Variants in ARMH3 observed in about 807,000 individuals in gnomAD.
The protein encoded by ARMH3 is armadillo-like helical domain-containing protein 3.
ARMH3 carries 60 observed loss-of-function variants against 99.1 expected under a neutral mutation model. The ratio of observed to expected loss-of-function variants is 0.61; its 90% CI spans 0.49 to 0.75. The LOEUF is 0.75. ARMH3 is among the 30% of genes least tolerant of loss of function. The pLI is 0.00. For missense variants in ARMH3, 679 were observed against 843.1 expected (o/e 0.81, Z 2.41); for synonymous variants, 285 against 292.8 (o/e 0.97, Z 0.27).
At chr10:102,035,576 G>A (rs1289032078) in intron 2 of ARMH3, among the ~76,000 whole-genome samples, 1 of 152,230 alleles carries the variant, frequency 6.6e-6, no homozygotes, top group Non-Finnish European at 1.5e-5. Context: ...ACTGGTTTTC[G>A]TATTTTTTTG....
At chr10:101,970,693 T>C (rs1370957218) in intron 20 of ARMH3, among the ~76,000 whole-genome samples, 2 of 151,386 alleles carry the variant, frequency 1.3e-5, no homozygotes, top group Non-Finnish European at 2.9e-5. Flanking sequence ...GGCATGGTAG[T>C]ACGCATCTGT....
intron 23 of ARMH3, among the ~76,000 whole-genome samples, chr10:101,932,831 G>A (rs1843777677): frequency 6.6e-6 from 1 of 152,164 alleles, no homozygotes; most frequent in Non-Finnish European, 1.5e-5. Flanking sequence ...CCCTGGAGAT[G>A]GATGTTGGTG....
chr10:102,029,734 T>C lies in ARMH3; in HGVS notation c.318A>G (p.Ala106=), dbSNP rs772239511. 2.5e-6 allele frequency: 4 copies of C among 1,613,130 alleles called. No homozygotes were observed. The highest frequency in any genetic ancestry group is 2.2e-5 in the South Asian group (2 of 91,076). Residue 106 remains alanine (A), a synonymous_variant, in exon 5 of 26, where the codon GCA becomes GCG. Transcript: ENST00000370033. ...TCTTTTGATGGACTCCTCGAATGAGTGCGCACAGGGTCTGCAGAAATGAGA... is the reference window on the plus strand; with the variant it reads ...TCTTTTGATGGACTCCTCGAATGAGCGCGCACAGGGTCTGCAGAAATGAGA... ...RVVNALQTLC[A]LIRGVHQKNK...
rs536217795 is a variant in ARMH3 at position 102,023,732 on chromosome 10, G to T, written c.525C>A (p.Ser175Arg). The T allele has an allele frequency of 6.2e-7, 1 of 1,614,042 alleles. No homozygotes were observed. The highest frequency in any genetic ancestry group is 1.1e-5 in the South Asian group (1 of 91,076). ...LCLVTVTDNI[S>R]QNTILEYVMI... ...TTACATACTCGAGAATAGTGTTCTG[G>T]CTGATGTTATCTGTCACCTGAATGT... is the stretch of plus-strand genomic sequence containing the variant. The change falls in exon 7 of 26, where the codon AGC (serine) becomes AGA (arginine). Residue 175 changes from serine to arginine, a missense_variant. Physicochemically the swap from Ser to Arg is moderately radical, Grantham distance 110 (BLOSUM62 -1). This residue lies in a region of ARMH3 where 280 missense variants were observed against 354.6 expected (regional missense o/e 0.79). Coordinates refer to ENST00000370033, the MANE Select transcript of ARMH3 (RefSeq NM_024541.3).
intron 23 of ARMH3, among the ~76,000 whole-genome samples, chr10:101,938,929 G>A (rs1237157171): frequency 6.6e-6 from 1 of 152,076 alleles, no homozygotes; most frequent in Non-Finnish European, 1.5e-5. Flanking sequence ...CTCCTTTTAT[G>A]CCCAGATGTG....
intron 13 of ARMH3, 100 bp from the exon 14 acceptor site, chr10:102,006,733 AT>A (rs879788123): frequency 0.058 from 49,607 of 853,622 alleles, 1 homozygote; most frequent in South Asian, 0.094. Flanking sequence ...GGACCTTATA[AT>A]TTTTTTTTTT....
chr10:101,962,905 A>G (rs1411131211), intron 20 of ARMH3, among the ~76,000 whole-genome samples: 2 of 152,088 alleles, frequency 1.3e-5, no homozygotes, highest in Non-Finnish European at 2.9e-5. Flanking sequence ...TCCACTGATT[A>G]GCCCCTCACA....
chr10:101,870,019 T>G (rs1186993820), intron 24 of ARMH3, among the ~76,000 whole-genome samples: 1 of 152,152 alleles, frequency 6.6e-6, no homozygotes. Context: ...GGTGACGAAG[T>G]GAGATCCTGT....
chr10:101,857,232 C>A (rs534621282), intron 24 of ARMH3, among the ~76,000 whole-genome samples: 1 of 152,052 alleles, frequency 6.6e-6, no homozygotes, highest in South Asian at 2.1e-4. Flanking sequence ...CCGAGGTGGG[C>A]GGATCACTTG....
intron 1 of ARMH3, among the ~76,000 whole-genome samples, chr10:102,054,934 T>C (rs779773256): frequency 6.7e-6 from 1 of 150,330 alleles, no homozygotes; most frequent in Non-Finnish European, 1.5e-5. Context: ...AGGCGGAGGT[T>C]GCAGTGAGCC....
intron 20 of ARMH3, among the ~76,000 whole-genome samples, chr10:101,973,204 C>CA (rs1230030811): frequency 6.7e-6 from 1 of 150,352 alleles, no homozygotes; most frequent in African/African-American, 2.4e-5. Context: ...ACTAAAAATC[C>CA]AAAAAAAATT....
At chr10:101,933,164 C>A (rs963969279) in intron 23 of ARMH3, among the ~76,000 whole-genome samples, 2 of 151,784 alleles carry the variant, frequency 1.3e-5, no homozygotes, top group Non-Finnish European at 2.9e-5. Flanking sequence ...CCAGCCTGGG[C>A]GACAGAGCAA....
chr10:101,854,140 C>T (rs1472447218), intron 24 of ARMH3, among the ~76,000 whole-genome samples: 1 of 152,066 alleles, frequency 6.6e-6, no homozygotes, highest in African/African-American at 2.4e-5. Flanking sequence ...ATTAACTGAG[C>T]TGGGAGTCCT....
intron 22 of ARMH3, among the ~76,000 whole-genome samples, chr10:101,954,215 A>C (rs1194022066): frequency 6.6e-6 from 1 of 152,194 alleles, no homozygotes; most frequent in Non-Finnish European, 1.5e-5. Context: ...AACAAAAAAA[A>C]ACCTTGTATT....
At chr10:102,055,917 G>C (rs939749569) in intron 1 of ARMH3, among the ~76,000 whole-genome samples, 168 bp downstream of exon 1, 1 of 152,132 alleles carries the variant, frequency 6.6e-6, no homozygotes, top group African/African-American at 2.4e-5. Flanking sequence ...CCCGGCATAC[G>C]CAGCTTCAGC....
intron 19 of ARMH3, 57 bp from the exon 20 acceptor site, chr10:101,975,357 A>G: frequency 1.4e-6 from 2 of 1,383,462 alleles, no homozygotes; most frequent in Admixed American, 3.4e-5. Context: ...GCAACTCACC[A>G]GAGATCCCTT....
intron 1 of ARMH3, among the ~76,000 whole-genome samples, chr10:102,046,135 G>A (rs1292349014): frequency 6.6e-6 from 1 of 151,798 alleles, no homozygotes; most frequent in Admixed American, 6.6e-5. Context: ...AGTCTATTTA[G>A]CTCTTATTAT....
At chr10:102,007,394 A>T (rs1446081331) in intron 13 of ARMH3, among the ~76,000 whole-genome samples, 2 of 151,472 alleles carry the variant, frequency 1.3e-5, no homozygotes, top group African/African-American at 2.4e-5. Context: ...ACAAGAGAGC[A>T]GAGAACATTT....
At chr10:102,023,360 T>C in intron 8 of ARMH3, 117 bp downstream of exon 8, 2 of 892,400 alleles carry the variant, frequency 2.2e-6, no homozygotes, top group African/African-American at 1.7e-5. Context: ...ATTATCAAAA[T>C]TAATCAATAT....
Sources: allele counts gnomAD v4.1 joint callset (sites outside exome capture counted in the v4.1 genomes callset), GRCh38; gene constraint gnomAD v4.1.1; regional missense constraint gnomAD v4.1.1; transcripts MANE v1.5; gene names NCBI Gene and HGNC (gene_info 2026-07-23, HGNC 2026-07-21).